The following PKD1L1 variants were observed in gnomAD, a reference collection of about 807,000 sequenced individuals.
The protein encoded by PKD1L1 is polycystin 1 like 1, transient receptor potential channel interacting, also known as polycystin-1-like protein 1.
A neutral mutation model predicts 323.4 loss-of-function variants in PKD1L1; 236 were observed. The ratio of observed to expected loss-of-function variants is 0.73; its 90% CI spans 0.66 to 0.81. The LOEUF (loss-of-function observed/expected upper bound fraction) is 0.81. Ranked by LOEUF, PKD1L1 falls within the 40% of genes least tolerant of loss-of-function variation. PKD1L1 has a pLI of 0.00. For missense variants in PKD1L1, 3,320 were observed against 3,508.0 expected (o/e 0.95, Z 1.35); for synonymous variants, 1,344 against 1,335.0 (o/e 1.01, Z -0.15).
At chr7:47,898,280 G>T in intron 13 of PKD1L1, 86 bp from the exon 14 acceptor site, 1 of 1,113,944 alleles carries the variant, frequency 9.0e-7, no homozygotes, top group Non-Finnish European at 1.3e-6. Flanking sequence ...AGTCTTAACT[G>T]TAGATCTCCC....
chr7:47,802,144 A>T (rs1447366764), intron 53 of PKD1L1, among the ~76,000 whole-genome samples: 3 of 148,570 alleles, frequency 2.0e-5, no homozygotes, highest in Non-Finnish European at 1.5e-5. Flanking sequence ...GTGAGCCGAG[A>T]TTGCACCACT....
chr7:47,897,342 C>T (rs1301740513), intron 14 of PKD1L1, among the ~76,000 whole-genome samples: 2 of 152,208 alleles, frequency 1.3e-5, no homozygotes, highest in Non-Finnish European at 2.9e-5. Context: ...GCAGCCTGGC[C>T]TGCCCACTGT....
At chr7:47,919,023 G>A (rs1315652047) in intron 7 of PKD1L1, among the ~76,000 whole-genome samples, 6 of 151,924 alleles carry the variant, frequency 3.9e-5, no homozygotes, top group Non-Finnish European at 8.8e-5. Flanking sequence ...CAAGATCAGA[G>A]CAGAACTAAA....
chr7:47,809,498 C>A lies in PKD1L1; in HGVS notation c.7661G>T (p.Trp2554Leu). 6.2e-7 allele frequency: 1 copy of A among 1,607,174 alleles called. No individual in the cohort carries two copies. Reference protein sequence around the residue: ...RMMDKGVLSYWRKPRNWLELS... With the variant: ...RMMDKGVLSYLRKPRNWLELS... ...CTCCAGCCAGTTCCTTGGCTTTCGC[C>A]AGTAGCTGAGGACGCCCTTGTCCAT... The change falls in exon 51 of 57, where the codon TGG (tryptophan) becomes TTG (leucine). Residue 2554 changes from tryptophan to leucine, a missense_variant. Physicochemically the swap from Trp to Leu is moderately conservative, Grantham distance 61 (BLOSUM62 -2). Coordinates refer to ENST00000289672, the MANE Select transcript of PKD1L1 (RefSeq NM_138295.5).
intron 56 of PKD1L1, among the ~76,000 whole-genome samples, chr7:47,777,377 T>C (rs1786593457): frequency 6.6e-6 from 1 of 152,230 alleles, no homozygotes; most frequent in Non-Finnish European, 1.5e-5. Flanking sequence ...ATTTCATCTT[T>C]GGATGTGATC....
chr7:47,818,252 G>A, intron 46 of PKD1L1: 1 of 1,270,722 alleles, frequency 7.9e-7, no homozygotes, highest in Non-Finnish European at 1.0e-6. Context: ...AATGAGCCAG[G>A]GGGCACAGAG....
At chr7:47,830,235 G>C (rs147934557) in intron 42 of PKD1L1, 111 bp from the exon 43 acceptor site, 1 of 841,346 alleles carries the variant, frequency 1.2e-6, no homozygotes, top group African/African-American at 1.7e-5. Context: ...TGGCCTCGCC[G>C]TGGCAGGAAG....
At chr7:47,801,319 G>T (rs35309554) in intron 53 of PKD1L1, among the ~76,000 whole-genome samples, 5 of 152,176 alleles carry the variant, frequency 3.3e-5, no homozygotes, top group African/African-American at 9.7e-5. Flanking sequence ...CATCAGGAAG[G>T]CTTTCCAATT....
chr7:47,821,046 A>T, intron 46 of PKD1L1, 30 bp downstream of exon 46: 2 of 1,377,224 alleles, frequency 1.5e-6, no homozygotes, highest in Admixed American at 1.7e-5. Flanking sequence ...CAATGGCCCC[A>T]GATCTGGAAG....
chr7:47,813,779 C>G lies in PKD1L1; in HGVS notation c.7173+152G>C, dbSNP rs1173175731. On this transcript the variant is annotated intron_variant, in intron 48 of 56. Coordinates refer to ENST00000289672, the MANE Select transcript of PKD1L1 (RefSeq NM_138295.5). ...AAAGGGGAAGGAAGGAAGGGCGAGG[C>G]TCGCCCTCTCCCCAGCCCCGGCACT... The G allele has an allele frequency of 4.4e-6, 3 of 681,652 alleles. No homozygotes were observed. In the East Asian group the frequency reaches 8.1e-5, roughly 18 times the overall value. The allele number at this position is 681,652 out of a possible 1,614,324, so 42.2% of individuals were successfully genotyped here.
intron 7 of PKD1L1, among the ~76,000 whole-genome samples, chr7:47,919,111 T>C (rs898957813): frequency 1.3e-5 from 2 of 151,894 alleles, no homozygotes; most frequent in African/African-American, 4.8e-5. Flanking sequence ...ATAAATAAAA[T>C]TGATGGACCA....
chr7:47,811,214 C>T (rs926231577), intron 50 of PKD1L1, among the ~76,000 whole-genome samples: 4 of 148,142 alleles, frequency 2.7e-5, no homozygotes, highest in Middle Eastern at 3.5e-3. Context: ...AGTGCAGTGG[C>T]GCAATCTCAG....
chr7:47,795,137 A>T (rs1784491148), intron 55 of PKD1L1, among the ~76,000 whole-genome samples: 1 of 152,180 alleles, frequency 6.6e-6, no homozygotes, highest in South Asian at 2.1e-4. Context: ...ATGTGAGGAC[A>T]TGAGATTTGG....
Position 47,943,425 on chromosome 7 carries a change from C to T in PKD1L1, c.131G>A (p.Cys44Tyr). 1 of 1,613,572 alleles carries T rather than the reference C, an allele frequency of 6.2e-7. No individual in the cohort carries two copies. The highest frequency in any genetic ancestry group is 8.5e-7 in the Non-Finnish European group (1 of 1,179,672). ...CCACAATCCACCTCCAGGAGGGCTA[C>T]AGCTGCACAGATGAAGACCCCAGCT... ...DKSWGLHLCSCSPPGGGLWVE... is the reference protein window; with the variant it reads ...DKSWGLHLCSYSPPGGGLWVE... The change falls in exon 2 of 57, where the codon TGT becomes TAT. Residue 44 changes from cysteine (C) to tyrosine (Y), a missense_variant. Physicochemically the swap from Cys to Tyr is radical, Grantham distance 194. Transcript: ENST00000289672.
rs186583608 is a variant in PKD1L1, at chr7:47,825,402, A to G, written c.6854+1948T>C. Among the ~76,000 whole-genome samples, 18 of 152,098 alleles carry G rather than the reference A, an allele frequency of 1.2e-4. No individual in the cohort carries two copies. In the East Asian group the frequency reaches 3.5e-3, roughly 29 times the overall value. On this transcript the variant is annotated intron_variant, in intron 45 of 56. Transcript: ENST00000289672. ...AAAAATTAGCCGGGCATGGTGGCAC[A>G]TGCCTGCAATCTCAGCTACTTGGGA... is the stretch of plus-strand genomic sequence containing the variant.
intron 21 of PKD1L1, among the ~76,000 whole-genome samples, chr7:47,880,284 A>ATTTTTTTTTTTTTTTTTTTTT (rs35198089): frequency 3.5e-5 from 2 of 56,816 alleles, no homozygotes; most frequent in Non-Finnish European, 5.7e-5. Context: ...ATATATATAT[A>ATTTTTTTTTTTTTTTTTTTTT]TTTTTTTTTT....
the PKD1L1 span, among the ~76,000 whole-genome samples, chr7:47,954,908 G>A: frequency 6.6e-6 from 1 of 152,190 alleles, no homozygotes; most frequent in Admixed American, 6.5e-5. Context: ...TGCTGGTTAT[G>A]GTTGTAAGAT....
Position 47,840,522 on chromosome 7 carries a change from C to T in PKD1L1, c.5491G>A (p.Glu1831Lys). ...AGGGGCTTCTCTGGACAGGAGAGCT[C>T]CTTGGTTTCTGACAGTCCATTGTCG... Reference protein sequence around the residue: ...CGDNGLSETKELSCPEKPLFE... With the variant: ...CGDNGLSETKKLSCPEKPLFE... Residue 1831 changes from glutamate (E) to lysine (K), a missense_variant, in exon 35 of 57, where the codon GAG (glutamate) becomes AAG (lysine). By Grantham distance (56) the Glu-to-Lys change is moderately conservative. Coordinates refer to ENST00000289672, the MANE Select transcript of PKD1L1 (RefSeq NM_138295.5). The surrounding 1 kb of genome is among the most constrained non-coding windows in gnomAD (Gnocchi z 4.1). The T allele has an allele frequency of 3.1e-6, 5 of 1,614,166 alleles. No homozygotes were observed. The highest frequency in any genetic ancestry group is 3.4e-6 in the Non-Finnish European group (4 of 1,180,024).
At chr7:47,859,168 C>T (rs978814980) in intron 26 of PKD1L1, among the ~76,000 whole-genome samples, 1 of 152,180 alleles carries the variant, frequency 6.6e-6, no homozygotes, top group Admixed American at 6.5e-5. Context: ...TTTTGATATT[C>T]GGCCTCTTGA....
Sources: allele counts gnomAD v4.1 joint callset (sites outside exome capture counted in the v4.1 genomes callset), GRCh38; gene constraint gnomAD v4.1.1; non-coding constraint Gnocchi (gnomAD v3.1); transcripts MANE v1.5; gene names NCBI Gene and HGNC (gene_info 2026-07-23, HGNC 2026-07-21).